Variants in G6PC2 observed in about 807,000 individuals in gnomAD.
G6PC2 encodes the protein glucose-6-phosphatase catalytic subunit 2.
In G6PC2, 41 loss-of-function variants were observed where a neutral mutation model predicts 35.4. The ratio of observed to expected loss-of-function variants is 1.16; its 90% CI spans 0.90 to 1.50. G6PC2 has a LOEUF of 1.50. G6PC2 is among the 40% of genes most tolerant of loss of function. The pLI is 0.00. For synonymous variants in G6PC2, 165 were observed against 153.2 expected (o/e 1.08, Z -0.57); for missense variants, 441 against 426.5 (o/e 1.03, Z -0.30).
At chr2:168,901,814 G>A (rs1441279507) in intron 1 of G6PC2, among the ~76,000 whole-genome samples, 4 of 149,470 alleles carry the variant, frequency 2.7e-5, no homozygotes, top group African/African-American at 5.0e-5. Context: ...TCGGCTCACT[G>A]CAACCTCTGC....
rs1480846932 is a variant in G6PC2 at position 168,902,521 on chromosome 2, G to A, written c.295G>A (p.Glu99Lys). The change falls in exon 2 of 5, where the codon GAA (glutamate) becomes AAA (lysine). Residue 99 changes from glutamate (E) to lysine (K), a missense_variant. Glu to Lys is a moderately conservative substitution (Grantham distance 56, BLOSUM62 1). Transcript: ENST00000375363. ...IYPNHSSPCL[E>K]QFPTTCETGP... ...CCCAAATCACTCAAGTCCATGCCTT[G>A]AACAGTTCCCTACTACATGTGAAAC... is the stretch of plus-strand genomic sequence containing the variant. 1.3e-6 allele frequency: 2 copies of A among 1,570,236 alleles called. No individual in the cohort carries two copies. Among genetic ancestry groups the A allele is most frequent in the South Asian group, 2.2e-5 (2 of 90,200 alleles).
chr2:168,906,692 T>C lies in G6PC2; in HGVS notation c.469T>C (p.Phe157Leu), dbSNP rs756521075. 3 of 1,598,834 alleles carry C rather than the reference T, an allele frequency of 1.9e-6. No individual in the cohort carries two copies. In the East Asian group the frequency reaches 6.7e-5, roughly 36 times the overall value. ...RLTWSFLWSV[F>L]WLIQISVCIS... ...GACCTGGTCATTTCTTTGGAGTGTT[T>C]TTTGGTTGATTCAAATCAGTGTCTG... The change falls in exon 4 of 5, where the codon TTT becomes CTT. Residue 157 changes from phenylalanine (F) to leucine (L), a missense_variant. Phe to Leu is a conservative substitution (Grantham distance 22). Coordinates refer to ENST00000375363, the MANE Select transcript of G6PC2 (RefSeq NM_021176.3).
chr2:168,904,331 A>T (rs1054570500), intron 2 of G6PC2, among the ~76,000 whole-genome samples, 174 bp from the exon 3 acceptor site: 1 of 152,140 alleles, frequency 6.6e-6, no homozygotes, highest in Non-Finnish European at 1.5e-5. Flanking sequence ...TCTCAGGCTC[A>T]ATTTAACTCA....
chr2:168,907,774 C>A lies in G6PC2; in HGVS notation c.763C>A (p.Pro255Thr). 1 of 1,614,068 alleles carries A rather than the reference C, an allele frequency of 6.2e-7. No homozygotes were observed. Among genetic ancestry groups the A allele is most frequent in the Non-Finnish European group, 8.5e-7 (1 of 1,179,978 alleles). Residue 255 changes from proline (P) to threonine (T), a missense_variant, in exon 5 of 5, where the codon CCT becomes ACT. Transcript: ENST00000375363. ...NPDWIHIDTT[P>T]FAGLVRNLGV... ...CGACTGGATCCACATTGACACCACG[C>A]CTTTTGCTGGACTCGTGAGAAACCT... is the stretch of plus-strand genomic sequence containing the variant.
rs1267667054 is a variant in G6PC2, at chr2:168,901,304, C to T, written c.-28C>T. 3.1e-6 allele frequency: 4 copies of T among 1,270,806 alleles called. No individual in the cohort carries two copies. The highest frequency in any genetic ancestry group is 4.6e-6 in the Non-Finnish European group (4 of 866,864). The allele number at this position is 1,270,806 out of a possible 1,614,324, so 78.7% of individuals were successfully genotyped here. Reference sequence around the variant, plus strand: ...TCAGAGCACTTCAGCTCCAATTGCTCTATGTTTAGAATTGCCTCTTTTTCA... The same window carrying T: ...TCAGAGCACTTCAGCTCCAATTGCTTTATGTTTAGAATTGCCTCTTTTTCA... On this transcript the variant is annotated 5_prime_UTR_variant, in exon 1 of 5. Transcript: ENST00000375363.
chr2:168,906,911 A>C, intron 4 of G6PC2, 132 bp downstream of exon 4: 2 of 715,868 alleles, frequency 2.8e-6, no homozygotes, highest in Non-Finnish European at 5.1e-6. Flanking sequence ...CTGATACTAA[A>C]TGCTACCCCG....
Position 168,909,882 on chromosome 2 carries a change from C to T in G6PC2, c.*1803C>T, listed in dbSNP as rs1366647783. The T allele has an allele frequency of 6.6e-6, 1 of 152,188 alleles. No individual in the cohort carries two copies. The highest frequency in any genetic ancestry group is 1.5e-5 in the Non-Finnish European group (1 of 68,028). The allele number at this position is 152,188 out of a possible 1,614,324, so 9.4% of individuals were successfully genotyped here. A position where few individuals can be genotyped will look rare whatever the true frequency, so the allele number is the denominator to read the frequency against. On this transcript the variant is annotated 3_prime_UTR_variant, in exon 5 of 5. Coordinates refer to ENST00000375363, the MANE Select transcript of G6PC2 (RefSeq NM_021176.3). ...CCTCAAAAAATCAAAGTATTAATTA[C>T]TCCTTTCCAAGTATATGTATAGAGC...
rs767446630 is a variant in G6PC2, at chr2:168,904,630, C to A, written c.440+14C>A. Reference sequence around the variant, plus strand: ...CACTCTGCACAGGTCAGCTTTGCTGCAGTTTCTGTAGCACTGGAATATGAC... The same window carrying A: ...CACTCTGCACAGGTCAGCTTTGCTGAAGTTTCTGTAGCACTGGAATATGAC... On this transcript the variant is annotated intron_variant, in intron 3 of 4. Transcript: ENST00000375363. The A allele has an allele frequency of 1.5e-5, 20 of 1,342,180 alleles. No homozygotes were observed. Among genetic ancestry groups the A allele is most frequent in the Middle Eastern group, 1.8e-4 (1 of 5,558 alleles). The allele number at this position is 1,342,180 out of a possible 1,614,324, so 83.1% of individuals were successfully genotyped here.
At chr2:168,902,668 T>A in intron 2 of G6PC2, 114 bp downstream of exon 2, 1 of 720,770 alleles carries the variant, frequency 1.4e-6, no homozygotes, top group Non-Finnish European at 2.5e-6. Context: ...ATCTCATGAG[T>A]GAGGATGCTA....
At chr2:168,901,850 C>T (rs1470414154) in intron 1 of G6PC2, among the ~76,000 whole-genome samples, 1 of 151,900 alleles carries the variant, frequency 6.6e-6, no homozygotes, top group Admixed American at 6.6e-5. Flanking sequence ...AATTCTCTCA[C>T]CTCAGCCTCC....
rs1690796200 is a variant in G6PC2, at chr2:168,909,218, G to A, written c.*1139G>A. 6.6e-6 allele frequency: 1 copy of A among 152,154 alleles called. No homozygotes were observed. The highest frequency in any genetic ancestry group is 1.5e-5 in the Non-Finnish European group (1 of 68,072). The allele number at this position is 152,154 out of a possible 1,614,324, so 9.4% of individuals were successfully genotyped here. On this transcript the variant is annotated 3_prime_UTR_variant, in exon 5 of 5. Transcript: ENST00000375363. Reference sequence around the variant, plus strand: ...GTGGCTCCAGATGTATATACACACGGGTCCAGGGACAACAGAACAGGCCAG... The same window carrying A: ...GTGGCTCCAGATGTATATACACACGAGTCCAGGGACAACAGAACAGGCCAG...
At position 168,907,657 on chromosome 2, in the gene G6PC2, C is replaced by G; in HGVS notation, c.646C>G (p.Leu216Val). 17 of 1,614,028 alleles carry G rather than the reference C, an allele frequency of 1.1e-5. No homozygotes were observed. The highest frequency in any genetic ancestry group is 1.4e-5 in the Non-Finnish European group (17 of 1,179,912). ...TYLKTNLFLF[L>V]FAVGFYLLLR... The stretch of plus-strand genomic sequence containing the variant: ...CCTGAAGACCAACCTCTTTCTCTTC[C>G]TGTTTGCAGTTGGCTTTTACCTGCT... The change falls in exon 5 of 5, where the codon CTG (leucine) becomes GTG (valine). Residue 216 changes from leucine (L) to valine (V), a missense_variant. By Grantham distance (32) the Leu-to-Val change is conservative (BLOSUM62 1). Coordinates refer to ENST00000375363, the MANE Select transcript of G6PC2 (RefSeq NM_021176.3).
At chr2:168,904,105 T>G (rs1040669412) in intron 2 of G6PC2, among the ~76,000 whole-genome samples, 2 of 151,344 alleles carry the variant, frequency 1.3e-5, no homozygotes, top group Non-Finnish European at 2.9e-5. Context: ...GTAATTGCGG[T>G]TTTTGCCATT....
intron 4 of G6PC2, among the ~76,000 whole-genome samples, chr2:168,907,355 G>A (rs1157728949): frequency 2.6e-5 from 4 of 152,202 alleles, no homozygotes; most frequent in East Asian, 3.8e-4. Context: ...ACTCCAGAAC[G>A]ATCCTTCTGG....
rs376540601 is a variant in G6PC2, at chr2:168,908,118, C to T, written c.*39C>T. The stretch of plus-strand genomic sequence containing the variant: ...GTTAGTGCTCTGTGTCACAGATCAC[C>T]CTTCTCCATCCACCAGTAGAGCCAC... On this transcript the variant is annotated 3_prime_UTR_variant, in exon 5 of 5. Coordinates refer to ENST00000375363, the MANE Select transcript of G6PC2 (RefSeq NM_021176.3). The T allele has an allele frequency of 3.8e-5, 59 of 1,534,068 alleles. No homozygotes were observed. In the African/African-American group the frequency reaches 7.5e-4, roughly 20 times the overall value.
At chr2:168,902,583 T>C in intron 2 of G6PC2, 29 bp downstream of exon 2, 1 of 881,644 alleles carries the variant, frequency 1.1e-6, no homozygotes, top group Non-Finnish European at 2.0e-6. Context: ...CTCCAGTTAC[T>C]GAAGATCTTC....
Position 168,908,264 on chromosome 2 carries a change from A to G in G6PC2, c.*185A>G. On this transcript the variant is annotated 3_prime_UTR_variant, in exon 5 of 5. Transcript: ENST00000375363. Reference sequence around the variant, plus strand: ...GGTCTTTTTTTTTAATCCTTCAGTTACCAATATTTAGATACAAGAATATTT... The same window carrying G: ...GGTCTTTTTTTTTAATCCTTCAGTTGCCAATATTTAGATACAAGAATATTT... 3.3e-6 allele frequency: 2 copies of G among 611,426 alleles called. No individual in the cohort carries two copies. Among genetic ancestry groups the G allele is most frequent in the Non-Finnish European group, 5.8e-6 (2 of 345,196 alleles). The allele number at this position is 611,426 out of a possible 1,614,324, so 37.9% of individuals were successfully genotyped here.
chr2:168,908,269 T>A lies in G6PC2; in HGVS notation c.*190T>A. On this transcript the variant is annotated 3_prime_UTR_variant, in exon 5 of 5. Coordinates refer to ENST00000375363, the MANE Select transcript of G6PC2 (RefSeq NM_021176.3). ...TTTTTTTTAATCCTTCAGTTACCAA[T>A]ATTTAGATACAAGAATATTTGACAT... The A allele has an allele frequency of 1.6e-6, 1 of 608,806 alleles. No homozygotes were observed. The highest frequency in any genetic ancestry group is 2.9e-6 in the Non-Finnish European group (1 of 343,600). 37.7% of individuals were successfully genotyped at this position (608,806 alleles called of 1,614,324 possible).
rs1690585591 is a variant in G6PC2 at position 168,901,351 on chromosome 2, A to C, written c.20A>C (p.Asn7Thr). Reference protein sequence around the residue: MDFLHRNGVLIIQHLQK... With the variant: MDFLHRTGVLIIQHLQK... ...TTCAAGATGGATTTCCTTCACAGGAATGGAGTGCTCATAATTCAGCATTTG... is the reference window on the plus strand; with the variant it reads ...TTCAAGATGGATTTCCTTCACAGGACTGGAGTGCTCATAATTCAGCATTTG... The change falls in exon 1 of 5, where the codon AAT (asparagine) becomes ACT (threonine). Residue 7 changes from asparagine (N) to threonine (T), a missense_variant. Transcript: ENST00000375363. 1.3e-6 allele frequency: 2 copies of C among 1,591,790 alleles called. No individual in the cohort carries two copies.
Sources: allele counts gnomAD v4.1 joint callset (sites outside exome capture counted in the v4.1 genomes callset), GRCh38; gene constraint gnomAD v4.1.1; transcripts MANE v1.5; gene names NCBI Gene and HGNC (gene_info 2026-07-23, HGNC 2026-07-21).